The following FHIT variants were observed in gnomAD, a reference collection of about 807,000 sequenced individuals.
FHIT encodes bis(5'-adenosyl)-triphosphatase.
FHIT carries 19 observed loss-of-function variants against 17.9 expected under a neutral mutation model. The observed-to-expected ratio is 1.06, with a 90% CI of 0.74 to 1.56. The LOEUF (loss-of-function observed/expected upper bound fraction) is 1.56, where lower values mean the gene tolerates loss of function less well. FHIT is among the 40% of genes most tolerant of loss of function. The pLI is 0.00. For synonymous variants in FHIT, 81 were observed against 69.7 expected (o/e 1.16, Z -0.81); for missense variants, 248 against 189.2 (o/e 1.31, Z -1.82).
intron 3 of FHIT, among the ~76,000 whole-genome samples, chr3:60,959,010 C>G (rs1222543565): frequency 2.6e-5 from 4 of 152,168 alleles, no homozygotes; most frequent in Middle Eastern, 3.4e-3. Context: ...AGGGAATTTG[C>G]CAAATGAAAA....
At chr3:61,047,265 T>C (rs2033835537) in intron 2 of FHIT, among the ~76,000 whole-genome samples, 1 of 152,206 alleles carries the variant, frequency 6.6e-6, no homozygotes, top group Non-Finnish European at 1.5e-5. Flanking sequence ...CTTAAGCTGA[T>C]AGGCAACTTC....
intron 8 of FHIT, among the ~76,000 whole-genome samples, chr3:59,765,490 G>A (rs1424360866): frequency 2.0e-5 from 3 of 152,178 alleles, no homozygotes; most frequent in African/African-American, 7.2e-5. Flanking sequence ...AATTACCAAT[G>A]TTTGAAAGTG....
intron 5 of FHIT, among the ~76,000 whole-genome samples, chr3:60,121,554 C>T (rs1356916748): frequency 2.6e-5 from 4 of 151,920 alleles, no homozygotes; most frequent in Non-Finnish European, 4.4e-5. Context: ...CGTGGTGGTG[C>T]GTGCCAGTAA....
intron 1 of FHIT, among the ~76,000 whole-genome samples, chr3:61,210,273 A>T (rs2039416738): frequency 6.6e-6 from 1 of 152,218 alleles, no homozygotes; most frequent in Non-Finnish European, 1.5e-5. Flanking sequence ...TTGAGGAGGC[A>T]GTCTGCCCAT....
rs567293314 is a variant in FHIT at position 60,623,766 on chromosome 3, G to A, written c.-17-86787C>T. 2.0e-4 allele frequency among the ~76,000 whole-genome samples: 31 copies of A among 152,174 alleles called. No individual in the cohort carries two copies. The East Asian group carries it at 4.8e-3, about 24-fold the overall frequency. ...GGAAGAGCAAGGAAGTCCTCGTTTC[G>A]GCGTGTCTTCAGGAACACACCGGTT... On this transcript the variant is annotated intron_variant, in intron 4 of 9. Coordinates refer to ENST00000492590, the MANE Select transcript of FHIT (RefSeq NM_002012.4).
At chr3:61,239,336 C>T (rs1049971489) in intron 1 of FHIT, among the ~76,000 whole-genome samples, 5 of 152,166 alleles carry the variant, frequency 3.3e-5, no homozygotes, top group Admixed American at 6.5e-5. Flanking sequence ...TATGGTTCAG[C>T]CACAGGGGCC....
chr3:59,829,425 C>G, intron 8 of FHIT, among the ~76,000 whole-genome samples: 1 of 152,232 alleles, frequency 6.6e-6, no homozygotes, highest in East Asian at 1.9e-4. Flanking sequence ...AGGGAGCCCT[C>G]GAACTTCAAA....
chr3:61,204,591 T>G (rs1186899215), intron 1 of FHIT, among the ~76,000 whole-genome samples: 1 of 152,244 alleles, frequency 6.6e-6, no homozygotes, highest in Admixed American at 6.5e-5. Context: ...AGTCCAGCTG[T>G]GTCAGGAATC....
chr3:60,495,171 G>A (rs1223142362), intron 5 of FHIT, among the ~76,000 whole-genome samples: 1 of 151,840 alleles, frequency 6.6e-6, no homozygotes, highest in Admixed American at 6.6e-5. Context: ...CATTTTAACT[G>A]GAGTGAGATG....
intron 5 of FHIT, among the ~76,000 whole-genome samples, chr3:60,429,552 G>A (rs1040509874): frequency 1.4e-4 from 22 of 152,008 alleles, no homozygotes; most frequent in Non-Finnish European, 2.6e-4. Context: ...ACCCTGGCAA[G>A]AGCCTCCCCA....
chr3:60,320,312 G>A (rs1167734667), intron 5 of FHIT, among the ~76,000 whole-genome samples: 2 of 152,124 alleles, frequency 1.3e-5, no homozygotes, highest in African/African-American at 2.4e-5. Context: ...TAGCGGCAGC[G>A]TTATTGTGAC....
At chr3:60,950,578 A>G (rs13327442) in intron 3 of FHIT, among the ~76,000 whole-genome samples, 4,012 of 151,068 alleles carry the variant, frequency 0.027, 179 homozygotes, top group African/African-American at 0.092. Flanking sequence ...CTGCAGTGGC[A>G]CGATCTTGGC....
intron 5 of FHIT, among the ~76,000 whole-genome samples, chr3:60,044,204 G>A (rs1701558046): frequency 6.6e-6 from 1 of 152,306 alleles, no homozygotes; most frequent in East Asian, 1.9e-4. Flanking sequence ...GCTGAATACA[G>A]TAGAAAGACG....
At chr3:60,176,141 C>A (rs530062720) in intron 5 of FHIT, among the ~76,000 whole-genome samples, 28 of 152,180 alleles carry the variant, frequency 1.8e-4, no homozygotes, top group Non-Finnish European at 3.7e-4. Context: ...TCACCTGAGT[C>A]AGGAGTTAGA....
chr3:61,221,892 G>T (rs2039849459), intron 1 of FHIT, among the ~76,000 whole-genome samples: 1 of 152,180 alleles, frequency 6.6e-6, no homozygotes, highest in Non-Finnish European at 1.5e-5. Flanking sequence ...CAGCCTTGGG[G>T]GTAAACATTC....
At chr3:61,189,600 A>G (rs1014137635) in intron 2 of FHIT, among the ~76,000 whole-genome samples, 26 of 152,348 alleles carry the variant, frequency 1.7e-4, no homozygotes, top group African/African-American at 6.0e-4. Context: ...GTTCATATGG[A>G]ACCAAAAACG....
At chr3:60,499,188 A>T (rs1468065729) in intron 5 of FHIT, among the ~76,000 whole-genome samples, 2 of 152,278 alleles carry the variant, frequency 1.3e-5, no homozygotes, top group East Asian at 3.9e-4. Context: ...GAATATAGCA[A>T]GGTATGATGT....
At chr3:60,618,259 G>T (rs368735142) in intron 4 of FHIT, among the ~76,000 whole-genome samples, 49 of 152,240 alleles carry the variant, frequency 3.2e-4, no homozygotes, top group African/African-American at 1.2e-3. Context: ...ATGCTCAGGT[G>T]CAGTCCTCCT....
At chr3:60,684,456 T>C (rs549159362) in intron 4 of FHIT, among the ~76,000 whole-genome samples, 2 of 152,256 alleles carry the variant, frequency 1.3e-5, no homozygotes, top group South Asian at 4.1e-4. Context: ...AGTCCAGATA[T>C]AGGAGTTCCA....
Sources: allele counts gnomAD v4.1 joint callset (sites outside exome capture counted in the v4.1 genomes callset), GRCh38; gene constraint gnomAD v4.1.1; transcripts MANE v1.5; gene names NCBI Gene and HGNC (gene_info 2026-07-23, HGNC 2026-07-21).